MYCBP2: variants seen among roughly 807,000 people sequenced by gnomAD.
The protein encoded by MYCBP2 is MYC binding protein 2.
A neutral mutation model predicts 525.3 loss-of-function variants in MYCBP2; 120 were observed. The ratio of observed to expected loss-of-function variants is 0.23; its 90% confidence interval spans 0.20 to 0.27. MYCBP2 has a LOEUF of 0.27. Among genes scored for constraint, MYCBP2 ranks in the 10% least tolerant of loss-of-function variants. MYCBP2 has a pLI of 1.00. For synonymous variants in MYCBP2, 1,894 were observed against 1,955.8 expected (o/e 0.97, Z 0.83); for missense variants, 4,149 against 5,657.1 (o/e 0.73, Z 8.55).
chr13:77,076,907 C>T, intron 67 of MYCBP2, 58 bp from the exon 68 acceptor site: 1 of 1,325,484 alleles, frequency 7.5e-7, no homozygotes, highest in Non-Finnish European at 1.1e-6. Context: ...CTATATTGGC[C>T]AGAGGACTCA....
intron 49 of MYCBP2, among the ~76,000 whole-genome samples, chr13:77,143,722 A>C (rs926036127): frequency 1.3e-5 from 2 of 152,234 alleles, no homozygotes; most frequent in Non-Finnish European, 2.9e-5. Flanking sequence ...ATCATTGTGC[A>C]AACATCAGAG....
intron 24 of MYCBP2, 72 bp from the exon 25 acceptor site, chr13:77,205,670 C>T (rs1380964820): frequency 2.3e-6 from 3 of 1,289,280 alleles, no homozygotes; most frequent in Non-Finnish European, 2.1e-6. Context: ...ACATTAAATG[C>T]TATAGGGGAT....
chr13:77,045,513 G>C lies in MYCBP2; in HGVS notation c.13922-20C>G. On this transcript the variant is annotated intron_variant, in intron 82 of 82. Coordinates refer to ENST00000544440, the MANE Select transcript of MYCBP2 (RefSeq NM_015057.5). ...TGGGACCTGTATAAATTTGAAGGAG[G>C]CAAAGGAAAATAATGTTTTAAGAAT... The C allele has an allele frequency of 1.3e-5, 19 of 1,488,474 alleles. No homozygotes were observed. Among genetic ancestry groups the C allele is most frequent in the Non-Finnish European group, 1.8e-5 (19 of 1,068,344 alleles). The allele number at this position is 1,488,474 out of a possible 1,614,324, so 92.2% of individuals were successfully genotyped here.
chr13:77,170,740 C>A (rs2059053544), intron 38 of MYCBP2, among the ~76,000 whole-genome samples: 1 of 151,970 alleles, frequency 6.6e-6, no homozygotes, highest in Non-Finnish European at 1.5e-5. Flanking sequence ...CCACGCCTGG[C>A]TAATTTTTTT....
rs760215296 is a variant in MYCBP2, at chr13:77,098,734, C to T, written c.8420G>A (p.Ser2807Asn). 29 of 1,613,282 alleles carry T rather than the reference C, an allele frequency of 1.8e-5. No homozygotes were observed. Among genetic ancestry groups the T allele is most frequent in the Non-Finnish European group, 2.4e-5 (28 of 1,179,722 alleles). The part of the protein sequence containing the change: ...TLKSDGRMPS[S>N]SRAESPGPGS... ...TGGTCCTGGGGATTCAGCTCTGGAG[C>T]TAGAAGGCATCCTCCCATCAGATTT... The change falls in exon 56 of 83, where the codon AGC (serine) becomes AAC (asparagine). Residue 2807 changes from serine (S) to asparagine (N), a missense_variant. Transcript: ENST00000544440.
chr13:77,215,740 C>A (rs1030799078), intron 21 of MYCBP2, among the ~76,000 whole-genome samples: 7 of 152,168 alleles, frequency 4.6e-5, no homozygotes, highest in Non-Finnish European at 1.0e-4. Flanking sequence ...GCATGTGCCA[C>A]GGCACCCAGC....
chr13:77,050,640 C>T (rs900010351), intron 82 of MYCBP2, among the ~76,000 whole-genome samples: 1 of 150,840 alleles, frequency 6.6e-6, no homozygotes, highest in Non-Finnish European at 1.5e-5. Flanking sequence ...GGCAACGGTT[C>T]CAGGCTTCGT....
chr13:77,142,720 A>G (rs2054884481), intron 49 of MYCBP2, among the ~76,000 whole-genome samples: 2 of 152,194 alleles, frequency 1.3e-5, no homozygotes, highest in Admixed American at 1.3e-4. Flanking sequence ...AAGTGAGACT[A>G]CCATATACAA....
At chr13:77,197,390 G>A (rs1025369503) in intron 26 of MYCBP2, among the ~76,000 whole-genome samples, 8 of 152,080 alleles carry the variant, frequency 5.3e-5, no homozygotes, top group Non-Finnish European at 7.4e-5. Context: ...CTAGATTTCC[G>A]GCCTATGTAT....
In MYCBP2 at chr13:77,067,634, G is replaced by A; in HGVS notation, c.12402C>T (p.Thr4134=). The A allele has an allele frequency of 1.9e-6, 3 of 1,614,196 alleles. No individual in the cohort carries two copies. The highest frequency in any genetic ancestry group is 2.5e-6 in the Non-Finnish European group (3 of 1,180,022). Reference sequence around the variant, plus strand: ...CTGTTGTAACTCCTTTGCCCACAGTGGTACCAGCTGTTCCAGTGATGGTGG... The same window carrying A: ...CTGTTGTAACTCCTTTGCCCACAGTAGTACCAGCTGTTCCAGTGATGGTGG... ...KGTTITGTAG[T]TVGKGVTTVT... is the part of the protein sequence containing the mutation. The change falls in exon 71 of 83, where the codon ACC becomes ACT. Residue 4134 remains threonine, a synonymous_variant. Transcript: ENST00000544440.
At chr13:77,206,405 CATT>C (rs2154276525) in intron 24 of MYCBP2, among the ~76,000 whole-genome samples, 1 of 151,516 alleles carries the variant, frequency 6.6e-6, no homozygotes, top group East Asian at 1.9e-4. Flanking sequence ...TGAGCAAAAA[CATT>C]ATTTTTAAGG....
At chr13:77,141,434 C>G (rs930570022) in intron 49 of MYCBP2, among the ~76,000 whole-genome samples, 1 of 152,072 alleles carries the variant, frequency 6.6e-6, no homozygotes, top group Non-Finnish European at 1.5e-5. Context: ...GGAAAAATAA[C>G]AGTATCTAAC....
chr13:77,113,484 TA>T (rs2049196164), intron 55 of MYCBP2, among the ~76,000 whole-genome samples: 1 of 151,784 alleles, frequency 6.6e-6, no homozygotes, highest in Admixed American at 6.6e-5. Flanking sequence ...AGCAGGTGAA[TA>T]AATGGAAGAA....
rs780004295 is a variant in MYCBP2, at chr13:77,267,829, C to T, written c.1357+12G>A. The T allele has an allele frequency of 1.2e-6, 2 of 1,603,518 alleles. No homozygotes were observed. The highest frequency in any genetic ancestry group is 1.7e-6 in the Non-Finnish European group (2 of 1,171,138). On this transcript the variant is annotated intron_variant, in intron 8 of 82. Coordinates refer to ENST00000544440, the MANE Select transcript of MYCBP2 (RefSeq NM_015057.5). ...ATTGCTTGTGGAGAAAAAATGACTA[C>T]TTGAAACATACCTGGTAACATCACA...
At position 77,061,722 on chromosome 13, in the gene MYCBP2, T is replaced by C; in HGVS notation, c.12843A>G (p.Leu4281=). The change falls in exon 75 of 83, where the codon TTA becomes TTG. Residue 4281 remains leucine (L), a synonymous_variant. Coordinates refer to ENST00000544440, the MANE Select transcript of MYCBP2 (RefSeq NM_015057.5). ...AIILCNVCGN[L]CTDCDRFLHL... is the part of the protein sequence containing the mutation. ...GAAGGAATCTGTCACAGTCTGTACATAAATTTCCACAGACATTGCATAAAA... is the reference window on the plus strand; with the variant it reads ...GAAGGAATCTGTCACAGTCTGTACACAAATTTCCACAGACATTGCATAAAA... The C allele has an allele frequency of 1.9e-6, 3 of 1,612,322 alleles. No homozygotes were observed. Among genetic ancestry groups the C allele is most frequent in the South Asian group, 1.1e-5 (1 of 90,822 alleles).
Position 77,177,909 on chromosome 13 carries a change from G to A in MYCBP2, c.5179C>T (p.Arg1727Ter). 1 of 1,613,334 alleles carries A rather than the reference G, an allele frequency of 6.2e-7. No individual in the cohort carries two copies. Among genetic ancestry groups the A allele is most frequent in the East Asian group, 2.2e-5 (1 of 44,862 alleles). Residue 1727 changes from arginine to a stop codon, truncating the protein, a stop_gained, in exon 35 of 83, where the codon CGA (arginine) becomes TGA (stop). Coordinates refer to ENST00000544440, the MANE Select transcript of MYCBP2 (RefSeq NM_015057.5). LOFTEE classifies it high-confidence loss of function. Reference sequence around the variant, plus strand: ...CTGCCCTGACTTGTTTTTGTAAATCGGTTAGCACTAGCTTTTACAGAGTGA... The same window carrying A: ...CTGCCCTGACTTGTTTTTGTAAATCAGTTAGCACTAGCTTTTACAGAGTGA... ...SLHSVKASAN[R>*]FTKTSQGRSW...
chr13:77,309,879 C>T lies in MYCBP2; in HGVS notation c.303-13205G>A, dbSNP rs1014841413. Among the ~76,000 whole-genome samples, 15 of 152,146 alleles carry T rather than the reference C, an allele frequency of 9.9e-5. No individual in the cohort carries two copies. The South Asian group carries it at 2.9e-3, about 30-fold the overall frequency. ...CTGTAATCTCAGTACTTTGGGAGGT[C>T]GAGGCGGGCAAATCACGAGGTCAAG... is the stretch of plus-strand genomic sequence containing the variant. On this transcript the variant is annotated intron_variant, in intron 1 of 82. Coordinates refer to ENST00000544440, the MANE Select transcript of MYCBP2 (RefSeq NM_015057.5).
chr13:77,273,401 T>C (rs2075133419), intron 5 of MYCBP2, 71 bp downstream of exon 5: 2 of 1,350,008 alleles, frequency 1.5e-6, no homozygotes, highest in East Asian at 2.4e-5. Context: ...AGAATTCCTA[T>C]TGACAGAAAT....
chr13:77,313,291 T>C (rs4885451), intron 1 of MYCBP2, among the ~76,000 whole-genome samples: 86,167 of 151,680 alleles, frequency 0.57, 28,154 homozygotes, highest in Non-Finnish European at 0.74. Context: ...GATTCCACCT[T>C]AAGAAATTAG....
Sources: allele counts gnomAD v4.1 joint callset (sites outside exome capture counted in the v4.1 genomes callset), GRCh38; gene constraint gnomAD v4.1.1; transcripts MANE v1.5; gene names NCBI Gene and HGNC (gene_info 2026-07-23, HGNC 2026-07-21).